FAM193A: variants seen among roughly 807,000 people sequenced by gnomAD.
The protein encoded by FAM193A is protein FAM193A.
FAM193A carries 22 observed loss-of-function variants against 126.5 expected under a neutral mutation model. That is an observed-to-expected ratio of 0.17 (90% CI 0.12 to 0.25). The LOEUF is 0.25. Ranked by LOEUF, FAM193A falls within the 10% of genes least tolerant of loss-of-function variation. FAM193A has a pLI of 1.00. For missense variants in FAM193A, 1,675 were observed against 1,672.8 expected (o/e 1.00, Z -0.02); for synonymous variants, 761 against 646.8 (o/e 1.18, Z -2.68).
At chr4:2,721,185 C>T (rs1330271257) in intron 20 of FAM193A, among the ~76,000 whole-genome samples, 2 of 151,742 alleles carry the variant, frequency 1.3e-5, no homozygotes, top group Non-Finnish European at 2.9e-5. Flanking sequence ...TGGTGGCGGG[C>T]ACCTGTAGTC....
intron 1 of FAM193A, among the ~76,000 whole-genome samples, chr4:2,566,553 T>C: frequency 6.6e-6 from 1 of 151,880 alleles, no homozygotes; most frequent in East Asian, 2.0e-4. Flanking sequence ...CTGGACGTGG[T>C]GGTGTGCGCC....
chr4:2,590,082 C>T (rs1740435783), intron 1 of FAM193A, among the ~76,000 whole-genome samples: 1 of 149,818 alleles, frequency 6.7e-6, no homozygotes, highest in African/African-American at 2.5e-5. Context: ...TTGCAATGAG[C>T]TGAGATCACG....
In FAM193A at chr4:2,666,387, T is replaced by A. The variant is rs1246642735; in HGVS notation, c.2079+3099T>A. 1.3e-5 allele frequency among the ~76,000 whole-genome samples: 2 copies of A among 152,308 alleles called. 1 individual carries two copies. Reference sequence around the variant, plus strand: ...ACTTGGCGGTGGTATATAATCCTTTTCATGTGTTCCTGAGTTGGTTTGCTA... The same window carrying A: ...ACTTGGCGGTGGTATATAATCCTTTACATGTGTTCCTGAGTTGGTTTGCTA... On this transcript the variant is annotated intron_variant, in intron 12 of 20. Transcript: ENST00000637812.
intron 20 of FAM193A, among the ~76,000 whole-genome samples, chr4:2,717,433 TA>T (rs1719663507): frequency 6.6e-6 from 1 of 151,672 alleles, no homozygotes; most frequent in African/African-American, 2.4e-5. Flanking sequence ...CCGTCTCTAC[TA>T]AAAATACAAA....
At chr4:2,689,898 T>C (rs1031562918) in intron 14 of FAM193A, among the ~76,000 whole-genome samples, 194 bp downstream of exon 14, 9 of 152,180 alleles carry the variant, frequency 5.9e-5, no homozygotes, top group Admixed American at 2.0e-4. Flanking sequence ...TCGGTCCCAC[T>C]GTGTGACAGA....
intron 2 of FAM193A, among the ~76,000 whole-genome samples, chr4:2,613,559 T>C (rs1445155575): frequency 6.6e-6 from 1 of 151,336 alleles, no homozygotes; most frequent in Non-Finnish European, 1.5e-5. Flanking sequence ...GTTCAAGCAA[T>C]TATCCTGCCT....
chr4:2,605,104 C>T (rs1468297887), intron 2 of FAM193A, among the ~76,000 whole-genome samples: 1 of 151,904 alleles, frequency 6.6e-6, no homozygotes, highest in Admixed American at 6.6e-5. Flanking sequence ...CCACCATGCC[C>T]AGGCGAGAGT....
At chr4:2,631,270 AC>A in intron 5 of FAM193A, 101 bp downstream of exon 5, 1 of 1,013,832 alleles carries the variant, frequency 9.9e-7, no homozygotes, top group Non-Finnish European at 1.4e-6. Context: ...TCGCTGTCAC[AC>A]CCCCACACAC....
chr4:2,537,777 G>A (rs1394140487), intron 1 of FAM193A, among the ~76,000 whole-genome samples: 2 of 152,218 alleles, frequency 1.3e-5, no homozygotes, highest in African/African-American at 2.4e-5. Context: ...GCCACCTGGA[G>A]CTGGCAGCCC....
At chr4:2,699,059 A>G (rs1717360245) in intron 18 of FAM193A, among the ~76,000 whole-genome samples, 1 of 152,104 alleles carries the variant, frequency 6.6e-6, no homozygotes. Flanking sequence ...CCTCACATCC[A>G]GCTAATTTTG....
chr4:2,707,889 C>T (rs1313016934), intron 19 of FAM193A, among the ~76,000 whole-genome samples: 2 of 151,940 alleles, frequency 1.3e-5, no homozygotes, highest in East Asian at 1.9e-4. Context: ...GCTGGAATTA[C>T]AGGTGCCGCA....
Position 2,662,888 on chromosome 4 carries a change from T to C in FAM193A, c.1796T>C (p.Ile599Thr). 2 of 1,612,774 alleles carry C rather than the reference T, an allele frequency of 1.2e-6. No individual in the cohort carries two copies. The highest frequency in any genetic ancestry group is 1.7e-6 in the Non-Finnish European group (2 of 1,178,896). Residue 599 changes from isoleucine (I) to threonine (T), a missense_variant, in exon 11 of 21, where the codon ATT (isoleucine) becomes ACT (threonine). Physicochemically the swap from Ile to Thr is moderately conservative, Grantham distance 89. This residue lies in a region of FAM193A where 1,186 missense variants were observed against 1,109.2 expected (regional missense o/e 1.07). Transcript: ENST00000637812. ...VAPLSAKFAD[I>T]YPLSNYDDTE... ...CCATTGTCAGCCAAATTTGCTGATATTTATCCATTGAGTAATTATGATGAT... is the reference window on the plus strand; with the variant it reads ...CCATTGTCAGCCAAATTTGCTGATACTTATCCATTGAGTAATTATGATGAT...
In FAM193A at chr4:2,553,196, G is replaced by A. The variant is rs149345055; in HGVS notation, c.255+16026G>A. On this transcript the variant is annotated intron_variant, in intron 1 of 20. Coordinates refer to ENST00000637812, the MANE Select transcript of FAM193A (RefSeq NM_001366318.2). ...AAAACACTTTCTAGCTGGGTATGGTGTTGTATGCTGTAGCTCCAGCTACTC... is the reference window on the plus strand; with the variant it reads ...AAAACACTTTCTAGCTGGGTATGGTATTGTATGCTGTAGCTCCAGCTACTC... 1.1e-4 allele frequency among the ~76,000 whole-genome samples: 17 copies of A among 152,054 alleles called. No homozygotes were observed. The East Asian group carries it at 2.7e-3, about 24-fold the overall frequency.
chr4:2,637,287 A>G (rs543300144), intron 5 of FAM193A, among the ~76,000 whole-genome samples: 1 of 152,262 alleles, frequency 6.6e-6, no homozygotes, highest in African/African-American at 2.4e-5. Context: ...AGATTACACC[A>G]CTGCACTCCA....
chr4:2,550,209 C>T (rs1470187351), intron 1 of FAM193A, among the ~76,000 whole-genome samples: 1 of 148,716 alleles, frequency 6.7e-6, no homozygotes, highest in Admixed American at 6.8e-5. Flanking sequence ...CCACTCCTGG[C>T]TAATTTTTGT....
intron 1 of FAM193A, among the ~76,000 whole-genome samples, chr4:2,547,806 G>T (rs1279380050): frequency 6.6e-6 from 1 of 151,746 alleles, no homozygotes; most frequent in African/African-American, 2.4e-5. Flanking sequence ...TGTAGTTTCA[G>T]TAGAGATGGG....
At chr4:2,617,612 C>G (rs1284721014) in intron 2 of FAM193A, among the ~76,000 whole-genome samples, 1 of 151,842 alleles carries the variant, frequency 6.6e-6, no homozygotes, top group Non-Finnish European at 1.5e-5. Flanking sequence ...ACCTTACTAC[C>G]TGTATTTCTT....
At chr4:2,641,144 G>A (rs926778452) in intron 6 of FAM193A, among the ~76,000 whole-genome samples, 21 of 151,348 alleles carry the variant, frequency 1.4e-4, no homozygotes, top group African/African-American at 4.6e-4. Context: ...AGGTTCAAGC[G>A]ATTCTCCTGC....
At chr4:2,712,167 G>T (rs941979091) in intron 19 of FAM193A, among the ~76,000 whole-genome samples, 4 of 151,682 alleles carry the variant, frequency 2.6e-5, no homozygotes, top group African/African-American at 9.7e-5. Flanking sequence ...TATTTTCTTG[G>T]GTCTTGGTAT....
Sources: gnomAD v4.1 joint callset for allele counts (sites outside exome capture counted in the v4.1 genomes callset) on GRCh38, gnomAD v4.1.1 for gene constraint, gnomAD v4.1.1 regional missense constraint, MANE v1.5 for transcripts, NCBI Gene and HGNC (gene_info 2026-07-23, HGNC 2026-07-21) for gene names.